Variants in BACH1 observed in about 807,000 individuals in gnomAD.
The protein encoded by BACH1 is BTB domain and CNC homolog 1.
In BACH1, 35 loss-of-function variants were observed where a neutral mutation model predicts 52.9. That is an observed-to-expected ratio of 0.66 (90% CI 0.51 to 0.88). The LOEUF (loss-of-function observed/expected upper bound fraction) is 0.88, where lower values mean the gene tolerates loss of function less well. Ranked by LOEUF, BACH1 falls within the 40% of genes least tolerant of loss-of-function variation. The pLI is 0.00. For missense variants in BACH1, 808 were observed against 872.6 expected (o/e 0.93, Z 0.93); for synonymous variants, 321 against 319.6 (o/e 1.00, Z -0.05).
At chr21:29,319,791 G>A (rs1398349929) in intron 1 of BACH1, among the ~76,000 whole-genome samples, 2 of 150,546 alleles carry the variant, frequency 1.3e-5, no homozygotes, top group African/African-American at 4.9e-5. Context: ...GGAGGGCAGT[G>A]TGCTCTGGGC....
chr21:29,340,251 A>G (rs2089095998), intron 4 of BACH1, among the ~76,000 whole-genome samples: 1 of 152,230 alleles, frequency 6.6e-6, no homozygotes, highest in Non-Finnish European at 1.5e-5. Flanking sequence ...TTAAACTTAG[A>G]GTGAAATGGA....
At chr21:29,337,446 A>C (rs2089057809) in intron 4 of BACH1, among the ~76,000 whole-genome samples, 1 of 152,224 alleles carries the variant, frequency 6.6e-6, no homozygotes, top group Non-Finnish European at 1.5e-5. Flanking sequence ...TTTCCAGTCC[A>C]AATTTAGCAG....
Position 29,326,696 on chromosome 21 carries a change from C to G in BACH1, c.872C>G (p.Thr291Arg). Residue 291 changes from threonine to arginine, a missense_variant, in exon 3 of 5, where the codon ACG becomes AGG. Coordinates refer to ENST00000286800, the MANE Select transcript of BACH1 (RefSeq NM_001186.4). Reference sequence around the variant, plus strand: ...AAATTAGCAATGGAACCTGAAGAAACGAAGAAAGATCCTGCTTCTCAGTGC... The same window carrying G: ...AAATTAGCAATGGAACCTGAAGAAAGGAAGAAAGATCCTGCTTCTCAGTGC... Reference protein sequence around the residue: ...ESKLAMEPEETKKDPASQCPT... With the variant: ...ESKLAMEPEERKKDPASQCPT... 6.2e-7 allele frequency: 1 copy of G among 1,614,104 alleles called. No homozygotes were observed. The highest frequency in any genetic ancestry group is 8.5e-7 in the Non-Finnish European group (1 of 1,180,020).
intron 1 of BACH1, among the ~76,000 whole-genome samples, chr21:29,307,118 G>A (rs1276729381): frequency 1.3e-5 from 2 of 152,158 alleles, no homozygotes; most frequent in Non-Finnish European, 2.9e-5. Flanking sequence ...GGCTCAGATA[G>A]AATTGTTAGT....
At chr21:29,320,706 A>T in intron 1 of BACH1, among the ~76,000 whole-genome samples, 1 of 152,210 alleles carries the variant, frequency 6.6e-6, no homozygotes, top group East Asian at 1.9e-4. Context: ...CCTTGTTATA[A>T]AACACTAAAT....
At position 29,326,426 on chromosome 21, in the gene BACH1, A is replaced by G. The variant is rs1401704904; in HGVS notation, c.602A>G (p.Asp201Gly). ...GNAKASPPLQDSASQTYESMC... is the reference protein window; with the variant it reads ...GNAKASPPLQGSASQTYESMC... ...GCAAAAGCCTCACCTCCTCTACAAG[A>G]CAGTGCCAGTCAGACATATGAGTCC... Residue 201 changes from aspartate to glycine, a missense_variant, in exon 3 of 5, where the codon GAC (aspartate) becomes GGC (glycine). By Grantham distance (94) the Asp-to-Gly change is moderately conservative (BLOSUM62 -1). Transcript: ENST00000286800. The G allele has an allele frequency of 1.2e-6, 2 of 1,614,236 alleles. No individual in the cohort carries two copies. The highest frequency in any genetic ancestry group is 1.7e-5 in the Admixed American group (1 of 60,028).
At chr21:29,301,872 A>G (rs894000875) in intron 1 of BACH1, among the ~76,000 whole-genome samples, 5 of 152,198 alleles carry the variant, frequency 3.3e-5, no homozygotes, top group Admixed American at 3.3e-4. Context: ...TTTATTCAGA[A>G]TATCAACCTC....
downstream of BACH1, among the ~76,000 whole-genome samples, chr21:29,347,104 G>T (rs559434120): frequency 3.9e-5 from 6 of 152,256 alleles, no homozygotes; most frequent in South Asian, 1.2e-3. Context: ...TTTAGAGGAA[G>T]GCCAAAAATA....
intron 1 of BACH1, among the ~76,000 whole-genome samples, chr21:29,312,247 C>T (rs2088733475): frequency 6.6e-6 from 1 of 152,090 alleles, no homozygotes; most frequent in East Asian, 1.9e-4. Flanking sequence ...TTTCCCCTCC[C>T]CTCTTTCTTG....
downstream of BACH1, among the ~76,000 whole-genome samples, chr21:29,347,718 A>G (rs1348439195): frequency 6.6e-6 from 1 of 152,206 alleles, no homozygotes; most frequent in African/African-American, 2.4e-5. Context: ...TGGTCTCAGA[A>G]GGCTCTGGAT....
chr21:29,318,718 A>ATGCT, intron 1 of BACH1, among the ~76,000 whole-genome samples: 1 of 152,212 alleles, frequency 6.6e-6, no homozygotes, highest in East Asian at 1.9e-4. Context: ...GACTACTAGC[A>ATGCT]GCTCTAGGGT....
chr21:29,337,750 G>T (rs935055093), intron 4 of BACH1, among the ~76,000 whole-genome samples: 5 of 152,040 alleles, frequency 3.3e-5, no homozygotes, highest in African/African-American at 1.2e-4. Context: ...CTAATGTGCC[G>T]GGTGCGGTGG....
At chr21:29,350,577 C>T (rs1030931092), downstream of BACH1, among the ~76,000 whole-genome samples, 56 of 152,182 alleles carry the variant, frequency 3.7e-4, 2 homozygotes, top group South Asian at 4.1e-4. Context: ...ACCTATACTC[C>T]GCTAATCAGC....
intron 2 of BACH1, 59 bp downstream of exon 2, chr21:29,321,573 C>T (rs1384279791): frequency 2.0e-6 from 3 of 1,468,826 alleles, no homozygotes; most frequent in South Asian, 1.2e-5. Context: ...TTTTATGGTT[C>T]ATAATGTTGA....
At chr21:29,334,254 T>A (rs142474411) in intron 4 of BACH1, among the ~76,000 whole-genome samples, 76 of 151,924 alleles carry the variant, frequency 5.0e-4, no homozygotes, top group African/African-American at 1.8e-3. Flanking sequence ...CTGGCCACCA[T>A]GCCTGGGTAA....
At chr21:29,313,416 A>G (rs1027418682) in intron 1 of BACH1, among the ~76,000 whole-genome samples, 12 of 152,254 alleles carry the variant, frequency 7.9e-5, no homozygotes, top group African/African-American at 2.2e-4. Flanking sequence ...TGCCTATAAT[A>G]TGACCCAGCT....
At chr21:29,317,202 C>A (rs139608857) in intron 1 of BACH1, among the ~76,000 whole-genome samples, 19 of 152,332 alleles carry the variant, frequency 1.2e-4, no homozygotes, top group African/African-American at 4.6e-4. Context: ...CCATTGCACC[C>A]GCCCATGTGG....
In BACH1 at chr21:29,345,911, A is replaced by G. The variant is rs763689042; in HGVS notation, c.*3078A>G. 3 of 152,674 alleles carry G rather than the reference A, an allele frequency of 2.0e-5. No individual in the cohort carries two copies. Among genetic ancestry groups the G allele is most frequent in the Non-Finnish European group, 2.9e-5 (2 of 68,024 alleles). 9.5% of individuals were successfully genotyped at this position (152,674 alleles called of 1,614,324 possible). On this transcript the variant is annotated 3_prime_UTR_variant, in exon 5 of 5. Transcript: ENST00000286800. ...GGCATACTGATTATAAAAGAAGCAG[A>G]AAAACATTGATTTTTTTATATCTTT...
chr21:29,327,256 A>G lies in BACH1; in HGVS notation c.1432A>G (p.Ile478Val). 1 of 1,614,200 alleles carries G rather than the reference A, an allele frequency of 6.2e-7. No homozygotes were observed. The highest frequency in any genetic ancestry group is 8.5e-7 in the Non-Finnish European group (1 of 1,180,038). Residue 478 changes from isoleucine to valine, a missense_variant, in exon 3 of 5, where the codon ATT (isoleucine) becomes GTT (valine). Ile to Val is a conservative substitution (Grantham distance 29, BLOSUM62 3). Transcript: ENST00000286800. ...STEGCSSNLE[I>V]GNDDYVSEPQ... ...TGAAGGCTGTTCAAGCAATTTGGAA[A>G]TTGGAAACGATGATTATGTTTCAGA...
Sources: allele counts gnomAD v4.1 joint callset (sites outside exome capture counted in the v4.1 genomes callset), GRCh38; gene constraint gnomAD v4.1.1; transcripts MANE v1.5; gene names NCBI Gene and HGNC (gene_info 2026-07-23, HGNC 2026-07-21).